The following MORN2 variants were observed in gnomAD, a reference collection of about 807,000 sequenced individuals.
MORN2 encodes the protein MORN repeat containing 2.
MORN2 carries 15 observed loss-of-function variants against 13.4 expected under a neutral mutation model. The observed-to-expected ratio is 1.12, with a 90% CI of 0.75 to 1.72. The LOEUF (loss-of-function observed/expected upper bound fraction) is 1.72, where lower values mean the gene tolerates loss of function less well. MORN2 is among the 40% of genes most tolerant of loss of function. The probability of loss-of-function intolerance (pLI) is 0.00; values close to 1 mark genes in which losing one functional copy is unlikely to be tolerated. For synonymous variants in MORN2, 46 were observed against 43.6 expected (o/e 1.06, Z -0.22); for missense variants, 168 against 134.6 (o/e 1.25, Z -1.23).
intron 4 of MORN2, among the ~76,000 whole-genome samples, chr2:38,881,798 GCACTAC>G (rs373295950): frequency 2.0e-4 from 31 of 152,222 alleles, no homozygotes; most frequent in African/African-American, 7.5e-4. Flanking sequence ...CCACAGATGT[GCACTAC>G]CACACCCAGC....
chr2:38,879,330 C>T (rs1665724306), intron 1 of MORN2, among the ~76,000 whole-genome samples: 1 of 152,054 alleles, frequency 6.6e-6, no homozygotes, highest in African/African-American at 2.4e-5. Flanking sequence ...AAATGTACAT[C>T]AGTGTTTATA....
At chr2:38,876,425 G>A (rs1016567187) in intron 1 of MORN2, among the ~76,000 whole-genome samples, 5 of 152,224 alleles carry the variant, frequency 3.3e-5, no homozygotes, top group African/African-American at 1.2e-4. Context: ...CATTTTAGCG[G>A]CAATTGAAAA....
chr2:38,879,935 C>G (rs1332112781), intron 1 of MORN2, among the ~76,000 whole-genome samples: 1 of 152,138 alleles, frequency 6.6e-6, no homozygotes, highest in Non-Finnish European at 1.5e-5. Context: ...ATGATGTGAT[C>G]TTGAGAAGTA....
At chr2:38,877,109 T>A (rs574391235) in intron 1 of MORN2, among the ~76,000 whole-genome samples, 7 of 152,246 alleles carry the variant, frequency 4.6e-5, no homozygotes, top group Non-Finnish European at 7.4e-5. Flanking sequence ...TTAGTTATCA[T>A]TAGTTAAACA....
At chr2:38,877,173 G>T (rs1665653347) in intron 1 of MORN2, among the ~76,000 whole-genome samples, 1 of 152,176 alleles carries the variant, frequency 6.6e-6, no homozygotes, top group Non-Finnish European at 1.5e-5. Flanking sequence ...GGCTGAGGCA[G>T]GAGAATGGCG....
chr2:38,881,073 T>A (rs557117295), intron 3 of MORN2, among the ~76,000 whole-genome samples: 1 of 152,346 alleles, frequency 6.6e-6, no homozygotes, highest in East Asian at 1.9e-4. Flanking sequence ...AAGTATACCC[T>A]GGTCTGCTCA....
chr2:38,878,956 A>G (rs1444091601), intron 1 of MORN2, among the ~76,000 whole-genome samples: 1 of 152,204 alleles, frequency 6.6e-6, no homozygotes, highest in Non-Finnish European at 1.5e-5. Flanking sequence ...ATTCTGAAGG[A>G]TGGGCCTGCA....
At position 38,875,994 on chromosome 2, in the gene MORN2, C is replaced by G. The variant is rs1247846449; in HGVS notation, c.-59C>G. The G allele has an allele frequency of 5.0e-6, 2 of 398,604 alleles. No individual in the cohort carries two copies. The highest frequency in any genetic ancestry group is 8.8e-6 in the Non-Finnish European group (2 of 226,194). The allele number at this position is 398,604 out of a possible 1,614,324, so 24.7% of individuals were successfully genotyped here. A position where few individuals can be genotyped will look rare whatever the true frequency, so the allele number is the denominator to read the frequency against. On this transcript the variant is annotated 5_prime_UTR_variant, in exon 1 of 5. Coordinates refer to ENST00000644631, the MANE Select transcript of MORN2 (RefSeq NM_001145450.3). ...TCCGGGTGAGAGGTGCCCGGTCGCC[C>G]CAGCAACCAAGTCGCACCTGGAGCT...
At chr2:38,876,324 A>C in intron 1 of MORN2, 1 of 389,822 alleles carries the variant, frequency 2.6e-6, no homozygotes. Context: ...GGCGCGTGCC[A>C]ACCTCCCTGG....
At chr2:38,880,137 A>C (rs1665742149) in intron 1 of MORN2, 42 bp from the exon 2 acceptor site, 1 of 398,290 alleles carries the variant, frequency 2.5e-6, no homozygotes, top group Non-Finnish European at 4.4e-6. Context: ...CTATCGAAAA[A>C]AAAGTAAACT....
At chr2:38,877,466 A>T (rs556852548) in intron 1 of MORN2, among the ~76,000 whole-genome samples, 1 of 152,230 alleles carries the variant, frequency 6.6e-6, no homozygotes, top group African/African-American at 2.4e-5. Flanking sequence ...CTTAGAAATT[A>T]TGGGGAAAAA....
intron 3 of MORN2, 38 bp downstream of exon 3, chr2:38,880,744 A>G (rs1368935015): frequency 5.2e-6 from 8 of 1,547,978 alleles, no homozygotes; most frequent in Non-Finnish European, 7.0e-6. Flanking sequence ...GTGGATAAAT[A>G]ACCCTGTAGG....
chr2:38,881,321 G>C, intron 3 of MORN2, 121 bp from the exon 4 acceptor site: 1 of 812,438 alleles, frequency 1.2e-6, no homozygotes, highest in East Asian at 3.1e-5. Context: ...TGGAAATAAA[G>C]GACAATACAA....
chr2:38,876,750 A>C lies in MORN2; in HGVS notation c.58+640A>C, dbSNP rs112402850. Among the ~76,000 whole-genome samples, 152 of 152,340 alleles carry C rather than the reference A, an allele frequency of 1.0e-3. 2 individuals carry two copies. Among genetic ancestry groups the C allele is most frequent in the African/African-American group, 3.5e-3 (146 of 41,578 alleles). ...GTAATGAGAAGAAAGGCTTTGTGGG[A>C]GAGCTCATACCTGAGCTGGGGCTAC... On this transcript the variant is annotated intron_variant, in intron 1 of 4. Transcript: ENST00000644631.
At chr2:38,881,639 C>G in intron 4 of MORN2, 61 bp downstream of exon 4, 1 of 1,210,522 alleles carries the variant, frequency 8.3e-7, no homozygotes, top group East Asian at 2.8e-5. Context: ...GGTATGTTTG[C>G]TTAAATACTT....
rs1415493763 is a variant in MORN2, at chr2:38,882,331, A to G, written c.354-82A>G. 34 of 780,620 alleles carry G rather than the reference A, an allele frequency of 4.4e-5. No homozygotes were observed. In the Middle Eastern group the frequency reaches 1.5e-3, roughly 34 times the overall value. The allele number at this position is 780,620 out of a possible 1,614,324, so 48.4% of individuals were successfully genotyped here. A position where few individuals can be genotyped will look rare whatever the true frequency, so the allele number is the denominator to read the frequency against. On this transcript the variant is annotated intron_variant, in intron 4 of 4. Transcript: ENST00000644631. ...AGAGGATATAATCTTCAGACATAGT[A>G]TATATTATGCTAGAAAATCTTATAT... is the stretch of plus-strand genomic sequence containing the variant.
At chr2:38,878,615 T>C (rs1435773002) in intron 1 of MORN2, among the ~76,000 whole-genome samples, 1 of 152,232 alleles carries the variant, frequency 6.6e-6, no homozygotes, top group Admixed American at 6.5e-5. Flanking sequence ...AGTTCACTAA[T>C]TTGTTTTCAA....
At chr2:38,880,918 A>T (rs1267940437) in intron 3 of MORN2, among the ~76,000 whole-genome samples, 1 of 152,206 alleles carries the variant, frequency 6.6e-6, no homozygotes, top group African/African-American at 2.4e-5. Flanking sequence ...TCTCCTATTC[A>T]TTGAGTAAAG....
intron 1 of MORN2, among the ~76,000 whole-genome samples, chr2:38,879,311 A>G (rs1665723822): frequency 6.6e-6 from 1 of 152,174 alleles, no homozygotes; most frequent in South Asian, 2.1e-4. Flanking sequence ...AGGAAGCTGT[A>G]TGTTTTGAAA....
Sources: gnomAD v4.1 joint callset for allele counts (sites outside exome capture counted in the v4.1 genomes callset) on GRCh38, gnomAD v4.1.1 for gene constraint, MANE v1.5 for transcripts, NCBI Gene and HGNC (gene_info 2026-07-23, HGNC 2026-07-21) for gene names.